The following PCDHGA2 variants were observed in gnomAD, a reference collection of about 807,000 sequenced individuals.
PCDHGA2 encodes protocadherin gamma subfamily A, 2, also known as protocadherin gamma-A2.
PCDHGA2 carries 40 observed loss-of-function variants against 59.2 expected under a neutral mutation model. The observed-to-expected ratio is 0.68, with a 90% CI of 0.52 to 0.88. PCDHGA2 has a LOEUF of 0.88. Among genes scored for constraint, PCDHGA2 ranks in the 40% least tolerant of loss-of-function variants. The probability of loss-of-function intolerance (pLI) is 0.00; values close to 1 mark genes in which losing one functional copy is unlikely to be tolerated. For missense variants in PCDHGA2, 1,226 were observed against 1,204.0 expected, an observed-to-expected ratio of 1.02 and a Z score of -0.27; for synonymous variants, 560 against 526.0, an observed-to-expected ratio of 1.06 and a Z score of -0.89.
At chr5:141,412,792 C>T (rs1387029327) in intron 1 of PCDHGA2, among the ~76,000 whole-genome samples, 1 of 152,194 alleles carries the variant, frequency 6.6e-6, no homozygotes. Flanking sequence ...TCCACTTTAT[C>T]ACACCTCCCC....
At chr5:141,389,445 G>C in intron 1 of PCDHGA2, 3 of 1,610,528 alleles carry the variant, frequency 1.9e-6, no homozygotes, top group Non-Finnish European at 2.5e-6. Flanking sequence ...CTTCGACCAC[G>C]AGCAGCTGCG....
intron 1 of PCDHGA2, among the ~76,000 whole-genome samples, chr5:141,436,162 G>A (rs1036923915): frequency 2.6e-5 from 4 of 152,142 alleles, no homozygotes; most frequent in African/African-American, 7.2e-5. Flanking sequence ...TTTATCATAT[G>A]GACAGTTCTC....
chr5:141,491,685 G>A lies in PCDHGA2; in HGVS notation c.2425-3122G>A. 1 of 1,613,164 alleles carries A rather than the reference G, an allele frequency of 6.2e-7. No individual in the cohort carries two copies. The highest frequency in any genetic ancestry group is 8.5e-7 in the Non-Finnish European group (1 of 1,179,646). On this transcript the variant is annotated intron_variant, in intron 1 of 3. Transcript: ENST00000394576. The surrounding 1 kb of genome is among the most constrained non-coding windows in gnomAD (Gnocchi z 6.9). ...CCATCCGGTCCCGCTCTAATACGCTGCGGGAGCGGAGCCAGGTGAGGGGCT... is the reference window on the plus strand; with the variant it reads ...CCATCCGGTCCCGCTCTAATACGCTACGGGAGCGGAGCCAGGTGAGGGGCT...
chr5:141,371,274 C>T, intron 1 of PCDHGA2: 3 of 1,613,982 alleles, frequency 1.9e-6, no homozygotes, highest in Non-Finnish European at 2.5e-6. Context: ...ACTGTTCAAG[C>T]TGGACAGTAA....
At chr5:141,371,647 A>G (rs759543088) in intron 1 of PCDHGA2, 2 of 1,614,044 alleles carry the variant, frequency 1.2e-6, no homozygotes, top group South Asian at 1.1e-5. Flanking sequence ...ATCCCAGAAT[A>G]CAATGTGACG....
At chr5:141,483,743 C>G (rs1360515518) in intron 1 of PCDHGA2, among the ~76,000 whole-genome samples, 2 of 152,022 alleles carry the variant, frequency 1.3e-5, no homozygotes, top group Non-Finnish European at 2.9e-5. Context: ...AAAGGATATT[C>G]CTGAGGATCG....
intron 1 of PCDHGA2, chr5:141,383,579 A>G (rs756026538): frequency 6.2e-7 from 1 of 1,613,596 alleles, no homozygotes. Context: ...AGCACCGCCC[A>G]CATCCAGGTG....
intron 1 of PCDHGA2, chr5:141,404,067 A>G (rs540954192): frequency 3.7e-6 from 6 of 1,613,894 alleles, no homozygotes; most frequent in South Asian, 2.2e-5. Context: ...TTCAATGCTC[A>G]TGACCGAGAC....
chr5:141,383,860 G>C lies in PCDHGA2; in HGVS notation c.2424+42465G>C, dbSNP rs772168555. On this transcript the variant is annotated intron_variant, in intron 1 of 3. Coordinates refer to ENST00000394576, the MANE Select transcript of PCDHGA2 (RefSeq NM_018915.4). ...TGCCTTCTATGAAATGGAGGTTCAG[G>C]CTCAAGATGGTCCTGGTAGTCTGAC... 6 of 1,613,808 alleles carry C rather than the reference G, an allele frequency of 3.7e-6. No homozygotes were observed. The Admixed American group carries it at 8.3e-5, about 22-fold the overall frequency.
At chr5:141,375,365 G>A (rs1227294856) in intron 1 of PCDHGA2, 1 of 1,613,790 alleles carries the variant, frequency 6.2e-7, no homozygotes, top group Non-Finnish European at 8.5e-7. Flanking sequence ...CACGGACAAA[G>A]GAACACCACC....
intron 1 of PCDHGA2, chr5:141,370,790 C>A: frequency 6.2e-7 from 1 of 1,614,040 alleles, no homozygotes; most frequent in Non-Finnish European, 8.5e-7. Context: ...ACCCACCGAC[C>A]TTTAGCCAAA....
intron 1 of PCDHGA2, chr5:141,423,413 C>T (rs757696505): frequency 2.5e-6 from 4 of 1,614,022 alleles, no homozygotes; most frequent in South Asian, 2.2e-5. Flanking sequence ...CTGCAGGCTT[C>T]TGAAGGCGGG....
chr5:141,408,307 C>T, intron 1 of PCDHGA2: 1 of 1,613,820 alleles, frequency 6.2e-7, no homozygotes, highest in East Asian at 2.2e-5. Flanking sequence ...CGATCCGCTA[C>T]TCGATTCCGG....
chr5:141,494,924 TGGGAGGAGATGGGGGAG>T, intron 2 of PCDHGA2, 59 bp downstream of exon 2: 1 of 1,613,498 alleles, frequency 6.2e-7, no homozygotes, highest in Admixed American at 1.7e-5. Flanking sequence ...AGGGATGACG[TGGGAGGAGATGGGGGAG>T]GGCCCAGCAT....
chr5:141,506,304 C>A (rs569926873), intron 3 of PCDHGA2, among the ~76,000 whole-genome samples: 3 of 152,078 alleles, frequency 2.0e-5, no homozygotes, highest in Non-Finnish European at 4.4e-5. Context: ...CAAAAATTAG[C>A]TGGGCATGGT....
At chr5:141,498,231 A>T (rs1213697084) in intron 2 of PCDHGA2, among the ~76,000 whole-genome samples, 1 of 152,268 alleles carries the variant, frequency 6.6e-6, no homozygotes, top group East Asian at 1.9e-4. Flanking sequence ...ATGGTCAGGC[A>T]TACCAGCTTC....
intron 1 of PCDHGA2, among the ~76,000 whole-genome samples, chr5:141,480,098 T>C (rs1415853757): frequency 6.6e-6 from 1 of 152,168 alleles, no homozygotes. Context: ...GTATGCAAAG[T>C]GTTTAGCATG....
chr5:141,419,075 A>C (rs2096322774), intron 1 of PCDHGA2: 3 of 1,613,968 alleles, frequency 1.9e-6, no homozygotes, highest in South Asian at 1.1e-5. Flanking sequence ...CAAGCTAGTA[A>C]CAGATGAGGC....
At chr5:141,451,185 T>C (rs900513875) in intron 1 of PCDHGA2, among the ~76,000 whole-genome samples, 1 of 152,182 alleles carries the variant, frequency 6.6e-6, no homozygotes, top group Non-Finnish European at 1.5e-5. Context: ...GCCATTGCTG[T>C]GTAACAAATT....
Sources: gnomAD v4.1 joint callset for allele counts (sites outside exome capture counted in the v4.1 genomes callset) on GRCh38, gnomAD v4.1.1 for gene constraint, Gnocchi (gnomAD v3.1) non-coding constraint, MANE v1.5 for transcripts, NCBI Gene and HGNC (gene_info 2026-07-23, HGNC 2026-07-21) for gene names.